SRGAP1: variants seen among roughly 807,000 people sequenced by gnomAD.
The protein encoded by SRGAP1 is SLIT-ROBO Rho GTPase-activating protein 1.
SRGAP1 carries 43 observed loss-of-function variants against 121.9 expected under a neutral mutation model. That is an observed-to-expected ratio of 0.35 (90% CI 0.28 to 0.46). The LOEUF is 0.46. Ranked by LOEUF, SRGAP1 falls within the 20% of genes least tolerant of loss-of-function variation. The pLI is 1.00. For missense variants in SRGAP1, 1,102 were observed against 1,350.9 expected, an observed-to-expected ratio of 0.82 and a Z score of 2.89; for synonymous variants, 447 against 485.4, an observed-to-expected ratio of 0.92 and a Z score of 1.04.
At chr12:63,990,704 A>C (rs1334673170) in intron 3 of SRGAP1, among the ~76,000 whole-genome samples, 1 of 152,228 alleles carries the variant, frequency 6.6e-6, no homozygotes, top group African/African-American at 2.4e-5. Context: ...ACCTCTGCCC[A>C]GGAACGGACT....
At chr12:64,036,451 A>T (rs1168107800) in intron 4 of SRGAP1, among the ~76,000 whole-genome samples, 1 of 152,298 alleles carries the variant, frequency 6.6e-6, no homozygotes, top group South Asian at 2.1e-4. Flanking sequence ...ATAGATCTTT[A>T]TCTTAGGTAG....
At chr12:63,938,049 T>C (rs1183829284) in intron 1 of SRGAP1, among the ~76,000 whole-genome samples, 1 of 152,136 alleles carries the variant, frequency 6.6e-6, no homozygotes, top group Non-Finnish European at 1.5e-5. Flanking sequence ...GACTAAGCCA[T>C]GTGTAACAGT....
At chr12:64,140,046 A>G (rs2036931794) in intron 21 of SRGAP1, among the ~76,000 whole-genome samples, 1 of 150,052 alleles carries the variant, frequency 6.7e-6, no homozygotes, top group African/African-American at 2.5e-5. Flanking sequence ...AAGATCAGAC[A>G]GTTGTAGATA....
intron 1 of SRGAP1, among the ~76,000 whole-genome samples, chr12:63,966,199 T>C (rs1436756526): frequency 6.6e-6 from 1 of 152,210 alleles, no homozygotes; most frequent in Non-Finnish European, 1.5e-5. Flanking sequence ...ATATAAATTC[T>C]TGGGAATGTG....
chr12:64,097,755 T>C, intron 15 of SRGAP1: 1 of 173,198 alleles, frequency 5.8e-6, no homozygotes, highest in South Asian at 1.6e-4. Flanking sequence ...TGGGGTAATT[T>C]ATCCATCTTT....
intron 1 of SRGAP1, among the ~76,000 whole-genome samples, chr12:63,861,738 A>G (rs376120775): frequency 6.6e-6 from 1 of 152,156 alleles, no homozygotes; most frequent in South Asian, 2.1e-4. Context: ...CGTAATCCCA[A>G]CACTTTGGGA....
chr12:63,868,067 T>TG (rs1565927671), intron 1 of SRGAP1, among the ~76,000 whole-genome samples: 13 of 101,042 alleles, frequency 1.3e-4, no homozygotes, highest in Non-Finnish European at 1.9e-4. Flanking sequence ...TTTTTTTTTT[T>TG]TTTTTTTTTT....
intron 1 of SRGAP1, among the ~76,000 whole-genome samples, chr12:63,958,632 G>T (rs1325070988): frequency 6.6e-6 from 1 of 152,154 alleles, no homozygotes; most frequent in Non-Finnish European, 1.5e-5. Flanking sequence ...AGGTAATTAG[G>T]TTTGCAAATA....
intron 4 of SRGAP1, among the ~76,000 whole-genome samples, chr12:64,030,242 G>A (rs868021614): frequency 4.6e-5 from 7 of 152,112 alleles, no homozygotes; most frequent in Non-Finnish European, 1.0e-4. Flanking sequence ...AATAAGACAA[G>A]GCCTATTTGT....
chr12:64,076,889 C>T (rs533187742), intron 8 of SRGAP1, among the ~76,000 whole-genome samples: 38 of 152,138 alleles, frequency 2.5e-4, no homozygotes, highest in East Asian at 1.7e-3. Context: ...AGCGATCCAC[C>T]GCCTCAGCCT....
chr12:64,023,088 T>G (rs1327343066), intron 4 of SRGAP1, among the ~76,000 whole-genome samples: 2 of 151,838 alleles, frequency 1.3e-5, no homozygotes, highest in African/African-American at 4.8e-5. Context: ...TGGCCCCAGC[T>G]TCATGTCAGC....
intron 1 of SRGAP1, chr12:63,871,672 C>T: frequency 9.2e-6 from 6 of 649,744 alleles, no homozygotes; most frequent in East Asian, 5.4e-5. Context: ...GCTGTATTTT[C>T]CTACAGGTAA....
At chr12:64,125,160 C>G in intron 18 of SRGAP1, among the ~76,000 whole-genome samples, 1 of 152,170 alleles carries the variant, frequency 6.6e-6, no homozygotes, top group East Asian at 1.9e-4. Flanking sequence ...AATATATTCT[C>G]TATCTCTATA....
intron 1 of SRGAP1, among the ~76,000 whole-genome samples, chr12:63,873,760 C>T (rs2136279412): frequency 6.6e-6 from 1 of 151,900 alleles, no homozygotes; most frequent in East Asian, 2.0e-4. Context: ...CCTCAGCGTC[C>T]AGGGTTCAAG....
chr12:63,925,959 A>G (rs976249877), intron 1 of SRGAP1, among the ~76,000 whole-genome samples: 4 of 152,188 alleles, frequency 2.6e-5, no homozygotes, highest in Non-Finnish European at 5.9e-5. Context: ...GAAAACCTTC[A>G]TGCATAAATA....
rs573832731 is a variant in SRGAP1 at position 63,921,726 on chromosome 12, T to A, written c.68-62221T>A. On this transcript the variant is annotated intron_variant, in intron 1 of 21. Coordinates refer to ENST00000355086, the MANE Select transcript of SRGAP1 (RefSeq NM_020762.4). ...GCCCAGGAGTCTGAGGCTGCAGTGA[T>A]CTGTGATCATGCCTGGTACGTAGAG... Among the ~76,000 whole-genome samples, 4 of 152,338 alleles carry A rather than the reference T, an allele frequency of 2.6e-5. No individual in the cohort carries two copies. In the South Asian group the frequency reaches 8.3e-4, roughly 32 times the overall value.
chr12:64,043,011 G>A (rs368962570), intron 5 of SRGAP1, 39 bp downstream of exon 5: 3 of 1,442,218 alleles, frequency 2.1e-6, no homozygotes, highest in Non-Finnish European at 9.7e-7. Flanking sequence ...GCCTTCATTT[G>A]AGGAGACAAT....
chr12:63,979,954 G>A (rs941272383), intron 1 of SRGAP1, among the ~76,000 whole-genome samples: 2 of 152,202 alleles, frequency 1.3e-5, no homozygotes, highest in African/African-American at 2.4e-5. Context: ...ATGTTCTGTA[G>A]TTCCCATGAT....
rs573754282 is a variant in SRGAP1 at position 63,847,529 on chromosome 12, G to A, written c.67+2646G>A. Reference sequence around the variant, plus strand: ...AGCACTTTGGGAGACCGAGGTGGGCGGATCACTTGAGGCCGAGACCAGCCT... The same window carrying A: ...AGCACTTTGGGAGACCGAGGTGGGCAGATCACTTGAGGCCGAGACCAGCCT... On this transcript the variant is annotated intron_variant, in intron 1 of 21. Coordinates refer to ENST00000355086, the MANE Select transcript of SRGAP1 (RefSeq NM_020762.4). Among the ~76,000 whole-genome samples, 7 of 151,826 alleles carry A rather than the reference G, an allele frequency of 4.6e-5. No individual in the cohort carries two copies. In the South Asian group the frequency reaches 1.0e-3, roughly 23 times the overall value.
Sources: allele counts gnomAD v4.1 joint callset (sites outside exome capture counted in the v4.1 genomes callset), GRCh38; gene constraint gnomAD v4.1.1; transcripts MANE v1.5; gene names NCBI Gene and HGNC (gene_info 2026-07-23, HGNC 2026-07-21).